Variants in PDSS2 observed in about 807,000 individuals in gnomAD.
PDSS2 encodes the protein all trans-polyprenyl-diphosphate synthase PDSS2.
Under a neutral mutation model 44.5 loss-of-function variants are expected in PDSS2, and 31 were observed. The ratio of observed to expected loss-of-function variants is 0.70; its 90% CI spans 0.52 to 0.94. The LOEUF (loss-of-function observed/expected upper bound fraction) is 0.94. Ranked by LOEUF, PDSS2 falls within the 40% of genes least tolerant of loss-of-function variation. PDSS2 has a pLI of 0.00. For missense variants in PDSS2, 452 were observed against 482.2 expected (o/e 0.94, Z 0.59); for synonymous variants, 157 against 180.3 (o/e 0.87, Z 1.03).
At chr6:107,381,325 C>CTTA (rs1157486574) in intron 1 of PDSS2, among the ~76,000 whole-genome samples, 2 of 152,158 alleles carry the variant, frequency 1.3e-5, no homozygotes, top group Non-Finnish European at 2.9e-5. Flanking sequence ...ATCAAAGAGC[C>CTTA]TATAAGCATA....
chr6:107,406,805 A>T (rs1247227950), intron 1 of PDSS2, among the ~76,000 whole-genome samples: 2 of 152,234 alleles, frequency 1.3e-5, no homozygotes, highest in Non-Finnish European at 2.9e-5. Flanking sequence ...TATACTCTTA[A>T]AGTTAAGCAG....
intron 3 of PDSS2, among the ~76,000 whole-genome samples, chr6:107,248,322 G>T (rs1490771620): frequency 6.6e-6 from 1 of 151,978 alleles, no homozygotes; most frequent in Non-Finnish European, 1.5e-5. Flanking sequence ...CTAAAAGCCA[G>T]ACCTCTTGGG....
chr6:107,158,602 A>T (rs1770999187), intron 7 of PDSS2, among the ~76,000 whole-genome samples: 1 of 152,228 alleles, frequency 6.6e-6, no homozygotes. Context: ...GTTCTAGCCT[A>T]GGTTTCCTTG....
chr6:107,330,686 T>C (rs1269423812), intron 2 of PDSS2, among the ~76,000 whole-genome samples: 1 of 152,234 alleles, frequency 6.6e-6, no homozygotes. Context: ...GTAAACATTT[T>C]CTTGATTGTA....
At chr6:107,391,291 T>A (rs1418375078) in intron 1 of PDSS2, among the ~76,000 whole-genome samples, 1 of 152,118 alleles carries the variant, frequency 6.6e-6, no homozygotes, top group Non-Finnish European at 1.5e-5. Context: ...AAGAGTTTTT[T>A]AAAAATACCA....
intron 1 of PDSS2, among the ~76,000 whole-genome samples, chr6:107,406,395 G>C (rs1217171458): frequency 6.6e-6 from 1 of 152,114 alleles, no homozygotes; most frequent in Non-Finnish European, 1.5e-5. Context: ...AAGGAATTAA[G>C]TTAACTGTTT....
intron 2 of PDSS2, among the ~76,000 whole-genome samples, chr6:107,317,630 C>T (rs1323892368): frequency 1.3e-5 from 2 of 152,224 alleles, no homozygotes; most frequent in African/African-American, 2.4e-5. Context: ...TGGACACCAT[C>T]AGGGCTTTGG....
At chr6:107,394,421 A>G (rs1779878030) in intron 1 of PDSS2, among the ~76,000 whole-genome samples, 1 of 152,148 alleles carries the variant, frequency 6.6e-6, no homozygotes, top group Admixed American at 6.6e-5. Context: ...TGCTCATCAC[A>G]TGGCAAAAGC....
At chr6:107,200,620 G>A (rs1227485634) in intron 6 of PDSS2, among the ~76,000 whole-genome samples, 1 of 152,036 alleles carries the variant, frequency 6.6e-6, no homozygotes, top group African/African-American at 2.4e-5. Context: ...TTCCCTTTTT[G>A]TTCTGACACC....
intron 1 of PDSS2, among the ~76,000 whole-genome samples, chr6:107,403,821 A>T (rs1273375145): frequency 6.6e-6 from 1 of 151,920 alleles, no homozygotes; most frequent in African/African-American, 2.4e-5. Flanking sequence ...TCAAGAAACC[A>T]TTTTTCCCTC....
chr6:107,204,190 C>T (rs995510159), intron 6 of PDSS2, among the ~76,000 whole-genome samples: 2 of 152,098 alleles, frequency 1.3e-5, no homozygotes, highest in South Asian at 2.1e-4. Flanking sequence ...ATCCGCCCCC[C>T]TCGGCTTCCC....
At chr6:107,398,190 G>A (rs936479767) in intron 1 of PDSS2, among the ~76,000 whole-genome samples, 1 of 152,138 alleles carries the variant, frequency 6.6e-6, no homozygotes, top group African/African-American at 2.4e-5. Flanking sequence ...ATCTGTGGGA[G>A]GCTCCATTTT....
At chr6:107,402,479 C>CATATATATACTTATATATATGTACACAT (rs35496296) in intron 1 of PDSS2, among the ~76,000 whole-genome samples, 1 of 43,370 alleles carries the variant, frequency 2.3e-5, no homozygotes, top group Non-Finnish European at 3.7e-5. Context: ...TATATGTATA[C>CATATATATACTTATATATATGTACACAT]ATATATACGT....
intron 4 of PDSS2, among the ~76,000 whole-genome samples, chr6:107,215,618 T>C (rs6919118): frequency 0.76 from 116,192 of 152,024 alleles, 45,178 homozygotes; most frequent in East Asian, 0.99. Flanking sequence ...TAACTCTTAC[T>C]GTTTGAAGGC....
chr6:107,189,146 C>CA (rs1453809147), intron 7 of PDSS2, among the ~76,000 whole-genome samples: 2 of 152,142 alleles, frequency 1.3e-5, no homozygotes, highest in Admixed American at 6.5e-5. Flanking sequence ...CTCTCAGGCT[C>CA]AAGCAATCCT....
chr6:107,453,609 T>G (rs1200619303), intron 1 of PDSS2, among the ~76,000 whole-genome samples: 2 of 152,222 alleles, frequency 1.3e-5, no homozygotes, highest in Non-Finnish European at 2.9e-5. Flanking sequence ...TTTTGATTAA[T>G]GCAGCTATAT....
intron 2 of PDSS2, among the ~76,000 whole-genome samples, chr6:107,290,047 T>A (rs941026015): frequency 2.0e-5 from 3 of 152,120 alleles, no homozygotes; most frequent in Non-Finnish European, 4.4e-5. Context: ...TGATTACAGG[T>A]GTGAGGCACC....
At chr6:107,417,983 A>C (rs1301957430) in intron 1 of PDSS2, among the ~76,000 whole-genome samples, 2 of 152,206 alleles carry the variant, frequency 1.3e-5, no homozygotes, top group African/African-American at 4.8e-5. Flanking sequence ...AAAGGATAGA[A>C]AATCATATTT....
At chr6:107,295,069 T>C (rs1054697693) in intron 2 of PDSS2, among the ~76,000 whole-genome samples, 4 of 152,114 alleles carry the variant, frequency 2.6e-5, no homozygotes, top group African/African-American at 9.7e-5. Context: ...GTAGCTGGGA[T>C]TACAGGCGCA....
Sources: gnomAD v4.1 joint callset for allele counts (sites outside exome capture counted in the v4.1 genomes callset) on GRCh38, gnomAD v4.1.1 for gene constraint, MANE v1.5 for transcripts, NCBI Gene and HGNC (gene_info 2026-07-23, HGNC 2026-07-21) for gene names.